OPRM1: variants seen among roughly 807,000 people sequenced by gnomAD.
OPRM1 encodes mu-type opioid receptor.
A neutral mutation model predicts 31.8 loss-of-function variants in OPRM1; 27 were observed. That is an observed-to-expected ratio of 0.85 (90% CI 0.63 to 1.17). OPRM1 has a LOEUF of 1.17. Among genes scored for constraint, OPRM1 ranks in the 50% most tolerant of loss-of-function variants. OPRM1 has a pLI of 0.00. For missense variants in OPRM1, 536 were observed against 511.1 expected (o/e 1.05, Z -0.47); for synonymous variants, 196 against 189.9 (o/e 1.03, Z -0.26).
At chr6:154,135,079 T>G (rs1359992700), downstream of OPRM1, among the ~76,000 whole-genome samples, 1 of 152,228 alleles carries the variant, frequency 6.6e-6, no homozygotes, top group Non-Finnish European at 1.5e-5. Flanking sequence ...CTTTTTAAAT[T>G]TCTTTTTTGC....
Position 154,196,261 on chromosome 6 carries a change from A to G in OPRM1, c.1165-50432A>G, listed in dbSNP as rs74533766. On this transcript the variant is annotated intron_variant, in intron 3 of 3. Transcript: ENST00000337049. ...AGGAGGCATACTGCATGATTCCAAC[A>G]GCAACTCTCAAAGTAGCTAGCTAAA... Among the ~76,000 whole-genome samples the G allele has an allele frequency of 7.1e-3, 1,076 of 152,338 alleles. 18 individuals are homozygous for G. The highest frequency in any genetic ancestry group is 0.025 in the African/African-American group (1,041 of 41,572).
chr6:154,172,236 G>A (rs1799932866), intron 3 of OPRM1, among the ~76,000 whole-genome samples: 1 of 152,200 alleles, frequency 6.6e-6, no homozygotes, highest in African/African-American at 2.4e-5. Context: ...CAGAAGACAG[G>A]TGATTTCTGC....
intron 3 of OPRM1, among the ~76,000 whole-genome samples, chr6:154,146,158 G>A (rs1022769322): frequency 2.2e-4 from 34 of 152,186 alleles, no homozygotes; most frequent in Admixed American, 2.2e-3. Flanking sequence ...CCAACACTTC[G>A]GGAGGCCAAG....
intron 3 of OPRM1, among the ~76,000 whole-genome samples, chr6:154,191,229 G>T (rs963501286): frequency 1.3e-5 from 2 of 152,166 alleles, no homozygotes; most frequent in Non-Finnish European, 2.9e-5. Flanking sequence ...AGGTTGTCAG[G>T]TTCCTGGGAG....
At chr6:154,210,317 T>C (rs938635022) in intron 3 of OPRM1, among the ~76,000 whole-genome samples, 3 of 152,122 alleles carry the variant, frequency 2.0e-5, no homozygotes, top group African/African-American at 4.8e-5. Flanking sequence ...AAGAGGTATA[T>C]TGGTGGGCAC....
chr6:154,031,377 G>A (rs1442867334), intron 1 of OPRM1, among the ~76,000 whole-genome samples: 2 of 152,148 alleles, frequency 1.3e-5, no homozygotes, highest in African/African-American at 2.4e-5. Flanking sequence ...AGACTGAGGA[G>A]CTGCTATATT....
intron 3 of OPRM1, chr6:154,108,337 C>T (rs537158543): frequency 5.5e-5 from 13 of 234,696 alleles, no homozygotes; most frequent in Non-Finnish European, 6.5e-5. Context: ...AAAACAGTTG[C>T]CCTGAGTAAC....
chr6:154,212,217 T>G (rs1778018331), intron 3 of OPRM1, among the ~76,000 whole-genome samples: 1 of 152,200 alleles, frequency 6.6e-6, no homozygotes, highest in Admixed American at 6.5e-5. Flanking sequence ...TTCACATTAA[T>G]TAATAATGTG....
intron 1 of OPRM1, among the ~76,000 whole-genome samples, chr6:154,057,230 A>G (rs1783485747): frequency 6.6e-6 from 1 of 152,228 alleles, no homozygotes. Context: ...AAGAATAAAC[A>G]TGAACTACGT....
intron 3 of OPRM1, among the ~76,000 whole-genome samples, chr6:154,208,435 T>C (rs1777684580): frequency 1.3e-5 from 2 of 152,202 alleles, no homozygotes; most frequent in Non-Finnish European, 2.9e-5. Context: ...ACCCAATCTC[T>C]ACCCCATCAC....
chr6:154,143,738 TC>T (rs1798282172), intron 3 of OPRM1, among the ~76,000 whole-genome samples: 1 of 152,134 alleles, frequency 6.6e-6, no homozygotes, highest in South Asian at 2.1e-4. Context: ...GCAAGTTTGG[TC>T]CTAAAACAAG....
At chr6:154,032,847 A>T (rs73788978) in intron 1 of OPRM1, among the ~76,000 whole-genome samples, 4,377 of 152,270 alleles carry the variant, frequency 0.029, 199 homozygotes, top group African/African-American at 0.1. Flanking sequence ...GAGAACTATG[A>T]TTGGATAGGA....
chr6:154,116,681 T>C (rs551148805), intron 3 of OPRM1, among the ~76,000 whole-genome samples: 3 of 152,288 alleles, frequency 2.0e-5, no homozygotes, highest in South Asian at 2.1e-4. Flanking sequence ...GCAAACCTTA[T>C]TGTGGGACAT....
chr6:154,012,285 C>T (rs569403975), intron 1 of OPRM1, among the ~76,000 whole-genome samples: 3 of 152,264 alleles, frequency 2.0e-5, no homozygotes, highest in African/African-American at 7.2e-5. Context: ...AAACTTTCCA[C>T]AATGTTTAAA....
At chr6:154,236,500 T>A (rs563033947) in intron 3 of OPRM1, among the ~76,000 whole-genome samples, 1 of 152,264 alleles carries the variant, frequency 6.6e-6, no homozygotes, top group East Asian at 1.9e-4. Flanking sequence ...AATAAGAAAT[T>A]AAGCAATGCC....
At chr6:154,166,068 G>A (rs1308699807) in intron 3 of OPRM1, among the ~76,000 whole-genome samples, 1 of 152,252 alleles carries the variant, frequency 6.6e-6, no homozygotes, top group Non-Finnish European at 1.5e-5. Flanking sequence ...CCTGGGGGCA[G>A]AGGCATTTGA....
At chr6:154,212,267 G>A (rs1029620239) in intron 3 of OPRM1, among the ~76,000 whole-genome samples, 5 of 152,146 alleles carry the variant, frequency 3.3e-5, no homozygotes, top group African/African-American at 1.2e-4. Context: ...AATCAAATTT[G>A]AATTCCTCTC....
chr6:154,157,733 T>A (rs1457135630), intron 3 of OPRM1: 2 of 152,262 alleles, frequency 1.3e-5, no homozygotes, highest in East Asian at 3.8e-4. Context: ...TATGTCACAC[T>A]GTTATTTCTG....
chr6:154,102,821 G>GA (rs373590705), intron 3 of OPRM1, among the ~76,000 whole-genome samples: 6 of 147,752 alleles, frequency 4.1e-5, no homozygotes, highest in Non-Finnish European at 7.4e-5. Flanking sequence ...CAATGCTTGA[G>GA]AAAATTGGAA....
Sources: allele counts gnomAD v4.1 joint callset (sites outside exome capture counted in the v4.1 genomes callset), GRCh38; gene constraint gnomAD v4.1.1; transcripts MANE v1.5; gene names NCBI Gene and HGNC (gene_info 2026-07-23, HGNC 2026-07-21).